NCKAP5: variants seen among roughly 807,000 people sequenced by gnomAD.
The protein encoded by NCKAP5 is nck-associated protein 5.
In NCKAP5, 92 loss-of-function variants were observed where a neutral mutation model predicts 167.0. The ratio of observed to expected loss-of-function variants is 0.55; its 90% CI spans 0.47 to 0.66. The LOEUF (loss-of-function observed/expected upper bound fraction) is 0.66. Ranked by LOEUF, NCKAP5 falls within the 30% of genes least tolerant of loss-of-function variation. The pLI, the probability that NCKAP5 is intolerant of heterozygous loss-of-function variation, is 0.00. For missense variants in NCKAP5, 2,378 were observed against 2,315.0 expected, an observed-to-expected ratio of 1.03 and a Z score of -0.56; for synonymous variants, 891 against 877.4, an observed-to-expected ratio of 1.02 and a Z score of -0.27.
At chr2:133,414,207 G>T (rs1688959523) in intron 3 of NCKAP5, among the ~76,000 whole-genome samples, 2 of 152,132 alleles carry the variant, frequency 1.3e-5, no homozygotes, top group South Asian at 4.1e-4. Context: ...TATGAAACAG[G>T]TATTAGGTAA....
At chr2:133,538,908 GTT>G (rs1225963701) in intron 2 of NCKAP5, among the ~76,000 whole-genome samples, 1 of 126,848 alleles carries the variant, frequency 7.9e-6, no homozygotes, top group East Asian at 2.0e-4. Context: ...TTTTTTTTTG[GTT>G]TTTTTTTGTG....
chr2:133,623,100 G>A, the NCKAP5 span, among the ~76,000 whole-genome samples: 8 of 152,188 alleles, frequency 5.3e-5, no homozygotes, highest in African/African-American at 1.9e-4. Context: ...CAAGCCAAAT[G>A]TAGAAGAATG....
chr2:133,446,191 A>G (rs996331108), intron 3 of NCKAP5, among the ~76,000 whole-genome samples: 1 of 152,248 alleles, frequency 6.6e-6, no homozygotes, highest in Non-Finnish European at 1.5e-5. Context: ...CGCAATAATT[A>G]GAAAACTGAA....
intron 3 of NCKAP5, among the ~76,000 whole-genome samples, chr2:133,444,270 C>T (rs1161051919): frequency 6.6e-6 from 1 of 151,902 alleles, no homozygotes; most frequent in African/African-American, 2.4e-5. Flanking sequence ...GCTATCTCAG[C>T]GCTGTTTAAG....
At chr2:133,013,113 G>A (rs79915565) in intron 6 of NCKAP5, among the ~76,000 whole-genome samples, 1,558 of 152,314 alleles carry the variant, frequency 0.01, 31 homozygotes, top group African/African-American at 0.035. Flanking sequence ...TTAATAAGGT[G>A]CACCAGCAGG....
intron 5 of NCKAP5, among the ~76,000 whole-genome samples, chr2:133,184,703 TTC>T (rs1398368764): frequency 2.0e-5 from 3 of 152,180 alleles, no homozygotes; most frequent in African/African-American, 7.2e-5. Context: ...TGACTTGCAT[TTC>T]TCTGATGACT....
At chr2:132,712,893 G>A (rs1689000329) in intron 19 of NCKAP5, among the ~76,000 whole-genome samples, 1 of 152,124 alleles carries the variant, frequency 6.6e-6, no homozygotes, top group South Asian at 2.1e-4. Flanking sequence ...CCCAGATCCA[G>A]ATCAACAGTA....
Position 133,258,465 on chromosome 2 carries a change from G to A in NCKAP5, c.143+44572C>T, listed in dbSNP as rs145535045. 3.1e-3 allele frequency among the ~76,000 whole-genome samples: 479 copies of A among 152,232 alleles called. 3 individuals carry two copies. Among genetic ancestry groups the A allele is most frequent in the African/African-American group, 0.01 (421 of 41,532 alleles). ...CCCTTAAGAATAAATTCAGTGGCTG[G>A]GCATGGTGGCTCACACCTGAAATCC... On this transcript the variant is annotated intron_variant, in intron 4 of 19. Coordinates refer to ENST00000409261, the MANE Select transcript of NCKAP5 (RefSeq NM_207363.3).
chr2:133,601,467 C>T, the NCKAP5 span, among the ~76,000 whole-genome samples: 10 of 152,194 alleles, frequency 6.6e-5, no homozygotes, highest in African/African-American at 1.4e-4. Flanking sequence ...CAGTGTTTCA[C>T]GCCTATAACC....
At chr2:132,912,745 C>T (rs1249382054) in intron 8 of NCKAP5, among the ~76,000 whole-genome samples, 1 of 152,182 alleles carries the variant, frequency 6.6e-6, no homozygotes, top group African/African-American at 2.4e-5. Context: ...CTTTCAGCAG[C>T]CTGAAACTTT....
chr2:133,443,694 C>T (rs1691000618), intron 3 of NCKAP5, among the ~76,000 whole-genome samples: 1 of 152,204 alleles, frequency 6.6e-6, no homozygotes, highest in Non-Finnish European at 1.5e-5. Context: ...CAGCTCACCC[C>T]TGAGTCTCCT....
chr2:133,214,856 A>C lies in NCKAP5; in HGVS notation c.144-1077T>G, dbSNP rs187179602. ...ATGCAATCAGCTATATGTAAACATAAAGGATGCAGTTCAATCCCCAGAAAA... is the reference window on the plus strand; with the variant it reads ...ATGCAATCAGCTATATGTAAACATACAGGATGCAGTTCAATCCCCAGAAAA... On this transcript the variant is annotated intron_variant, in intron 4 of 19. Coordinates refer to ENST00000409261, the MANE Select transcript of NCKAP5 (RefSeq NM_207363.3). Among the ~76,000 whole-genome samples, 620 of 152,326 alleles carry C rather than the reference A, an allele frequency of 4.1e-3. 5 individuals carry two copies. Among genetic ancestry groups the C allele is most frequent in the Admixed American group, 6.8e-3 (104 of 15,294 alleles).
At chr2:132,803,391 C>A (rs1327732162) in intron 11 of NCKAP5, among the ~76,000 whole-genome samples, 1 of 152,180 alleles carries the variant, frequency 6.6e-6, no homozygotes, top group Admixed American at 6.5e-5. Context: ...GGTGCCTTGG[C>A]AAATGACATG....
intron 5 of NCKAP5, among the ~76,000 whole-genome samples, chr2:133,148,384 C>T (rs61366643): frequency 6.6e-6 from 1 of 152,190 alleles, no homozygotes; most frequent in African/African-American, 2.4e-5. Flanking sequence ...TTTAATTAAA[C>T]GTTGTCAGCA....
intron 6 of NCKAP5, among the ~76,000 whole-genome samples, chr2:133,105,006 A>G (rs377489093): frequency 2.0e-5 from 3 of 152,184 alleles, no homozygotes; most frequent in East Asian, 1.9e-4. Context: ...CTCTCCCGCT[A>G]ATAAGTAGCA....
chr2:133,023,383 T>G (rs2078593569), intron 6 of NCKAP5, among the ~76,000 whole-genome samples: 1 of 152,248 alleles, frequency 6.6e-6, no homozygotes, highest in Non-Finnish European at 1.5e-5. Flanking sequence ...TTCTTACATT[T>G]CTTCATCCTG....
chr2:133,114,583 G>T (rs2082014158), intron 6 of NCKAP5, among the ~76,000 whole-genome samples: 1 of 152,082 alleles, frequency 6.6e-6, no homozygotes, highest in Non-Finnish European at 1.5e-5. Context: ...TGTCTCATTT[G>T]TTTTCTTTTT....
At chr2:132,847,250 T>G (rs1688730723) in intron 11 of NCKAP5, among the ~76,000 whole-genome samples, 1 of 152,178 alleles carries the variant, frequency 6.6e-6, no homozygotes, top group Admixed American at 6.5e-5. Context: ...AATAATATAA[T>G]TAAATAGTTA....
chr2:132,920,878 C>A (rs1335864694), intron 8 of NCKAP5, among the ~76,000 whole-genome samples: 1 of 132,964 alleles, frequency 7.5e-6, no homozygotes, highest in Non-Finnish European at 1.6e-5. Flanking sequence ...GCTCAGAATG[C>A]ACCTCCCTAT....
Sources: allele counts gnomAD v4.1 joint callset (sites outside exome capture counted in the v4.1 genomes callset), GRCh38; gene constraint gnomAD v4.1.1; transcripts MANE v1.5; gene names NCBI Gene and HGNC (gene_info 2026-07-23, HGNC 2026-07-21).